PLEKHM3: variants seen among roughly 807,000 people sequenced by gnomAD.
PLEKHM3 encodes the protein pleckstrin homology domain containing M3, also known as pleckstrin homology domain-containing family M member 3.
In PLEKHM3, 45 loss-of-function variants were observed where a neutral mutation model predicts 81.8. The ratio of observed to expected loss-of-function variants is 0.55; its 90% confidence interval spans 0.43 to 0.71. The LOEUF (loss-of-function observed/expected upper bound fraction) is 0.71, where lower values mean the gene tolerates loss of function less well. Among genes scored for constraint, PLEKHM3 ranks in the 30% least tolerant of loss-of-function variants. The pLI, the probability that PLEKHM3 is intolerant of heterozygous loss-of-function variation, is 0.00. For synonymous variants in PLEKHM3, 352 were observed against 356.4 expected (o/e 0.99, Z 0.14); for missense variants, 788 against 924.3 (o/e 0.85, Z 1.91).
chr2:207,865,801 A>AAAAAAAAAAAAAAATATATATATATAT lies in PLEKHM3; in HGVS notation c.1951-4540_1951-4539insATATATATATATATTTTTTTTTTTTTT. 1.2e-4 allele frequency among the ~76,000 whole-genome samples: 3 copies of AAAAAAAAAAAAAAATATATATATATAT among 25,290 alleles called. 1 individual carries two copies. Among genetic ancestry groups the AAAAAAAAAAAAAAATATATATATATAT allele is most frequent in the Non-Finnish European group, 1.5e-4 (2 of 13,198 alleles). 16.6% of individuals were successfully genotyped at this position (25,290 alleles called of 152,430 possible). On this transcript the variant is annotated intron_variant, in intron 6 of 7. Transcript: ENST00000427836. ...CGACTCAAAAAAAAAAAAAAAAAAA[A>AAAAAAAAAAAAAAATATATATATATAT]AGATATATATATATATATATATATA...
chr2:207,983,480 C>T (rs571672125), intron 2 of PLEKHM3, among the ~76,000 whole-genome samples: 17 of 151,834 alleles, frequency 1.1e-4, no homozygotes, highest in African/African-American at 3.6e-4. Flanking sequence ...GATAGGATCA[C>T]GGACAGAGTA....
At chr2:208,014,662 G>GT (rs1692819500) in intron 1 of PLEKHM3, among the ~76,000 whole-genome samples, 1 of 152,214 alleles carries the variant, frequency 6.6e-6, no homozygotes, top group African/African-American at 2.4e-5. Flanking sequence ...AAAAAGAGTA[G>GT]TAAGAACTAT....
chr2:207,940,751 G>A (rs1482072515), intron 4 of PLEKHM3, among the ~76,000 whole-genome samples: 1 of 152,168 alleles, frequency 6.6e-6, no homozygotes, highest in Non-Finnish European at 1.5e-5. Flanking sequence ...GAATGGTGAG[G>A]AGCAACAAAA....
rs138386341 is a variant in PLEKHM3 at position 208,005,830 on chromosome 2, C to A, written c.-318-3873G>T. Among the ~76,000 whole-genome samples the A allele has an allele frequency of 2.6e-5, 4 of 152,292 alleles. No individual in the cohort carries two copies. In the East Asian group the frequency reaches 7.7e-4, roughly 29 times the overall value. Reference sequence around the variant, plus strand: ...GCACACACACACACGCATGTGCATGCGTTGAACAAATGCATTGTTGTCGCA... The same window carrying A: ...GCACACACACACACGCATGTGCATGAGTTGAACAAATGCATTGTTGTCGCA... On this transcript the variant is annotated intron_variant, in intron 1 of 7. Coordinates refer to ENST00000427836, the MANE Select transcript of PLEKHM3 (RefSeq NM_001080475.3).
Position 207,859,766 on chromosome 2 carries a change from T to C in PLEKHM3, c.2108+1339A>G, listed in dbSNP as rs184602720. Among the ~76,000 whole-genome samples, 9 of 151,996 alleles carry C rather than the reference T, an allele frequency of 5.9e-5. No individual in the cohort carries two copies. In the East Asian group the frequency reaches 1.8e-3, roughly 30 times the overall value. On this transcript the variant is annotated intron_variant, in intron 7 of 7. Transcript: ENST00000427836. Reference sequence around the variant, plus strand: ...GTGCCTGCTACCATGCCCGGCTAATTTTTGTATCTTTAGTAGAGACGGGGT... The same window carrying C: ...GTGCCTGCTACCATGCCCGGCTAATCTTTGTATCTTTAGTAGAGACGGGGT...
At chr2:207,885,967 A>G (rs1198510956) in intron 6 of PLEKHM3, among the ~76,000 whole-genome samples, 3 of 152,200 alleles carry the variant, frequency 2.0e-5, no homozygotes, top group African/African-American at 7.2e-5. Context: ...GGGAAGAATC[A>G]TATCTGAGCA....
At chr2:207,984,508 G>A (rs920371064) in intron 2 of PLEKHM3, among the ~76,000 whole-genome samples, 5 of 152,090 alleles carry the variant, frequency 3.3e-5, no homozygotes, top group Non-Finnish European at 7.4e-5. Flanking sequence ...AGCCTCCCGA[G>A]TAGCTGGGAT....
intron 3 of PLEKHM3, among the ~76,000 whole-genome samples, chr2:207,953,880 A>G (rs1690419640): frequency 6.6e-6 from 1 of 152,048 alleles, no homozygotes; most frequent in Non-Finnish European, 1.5e-5. Context: ...CATGTTAAAA[A>G]CCATGTTCCT....
At chr2:207,963,098 GGAGA>G (rs1385633365) in intron 3 of PLEKHM3, among the ~76,000 whole-genome samples, 1 of 152,148 alleles carries the variant, frequency 6.6e-6, no homozygotes, top group African/African-American at 2.4e-5. Flanking sequence ...GCATTACAGT[GGAGA>G]GAATCTGATA....
chr2:207,860,169 G>C (rs989000110), intron 7 of PLEKHM3, among the ~76,000 whole-genome samples: 8 of 147,508 alleles, frequency 5.4e-5, no homozygotes, highest in African/African-American at 2.1e-4. Flanking sequence ...GTGTGTGTGT[G>C]TGTGTGTGTG....
chr2:207,913,005 T>C (rs1055645037), intron 5 of PLEKHM3, among the ~76,000 whole-genome samples: 3 of 152,170 alleles, frequency 2.0e-5, no homozygotes, highest in Non-Finnish European at 4.4e-5. Context: ...TTTCCTCTGC[T>C]GTGGCTGAGG....
chr2:207,827,822 G>A lies in PLEKHM3; in HGVS notation c.*497C>T, dbSNP rs2092260330. On this transcript the variant is annotated 3_prime_UTR_variant, in exon 8 of 8. Transcript: ENST00000427836. ...TCCTGGAAGGACCCAGCAGTCTCTT[G>A]TGTTTTGAAGGTTTTCTTATGAAAC... The A allele has an allele frequency of 6.6e-6, 1 of 152,192 alleles. No individual in the cohort carries two copies. Among genetic ancestry groups the A allele is most frequent in the Non-Finnish European group, 1.5e-5 (1 of 68,042 alleles). 9.4% of individuals were successfully genotyped at this position (152,192 alleles called of 1,614,324 possible).
At chr2:207,886,993 T>A (rs1235765031) in intron 6 of PLEKHM3, among the ~76,000 whole-genome samples, 2 of 152,206 alleles carry the variant, frequency 1.3e-5, no homozygotes, top group African/African-American at 4.8e-5. Flanking sequence ...AATACCCACT[T>A]CACAGGCTCA....
At chr2:207,852,837 T>C (rs762835807) in intron 7 of PLEKHM3, 6 of 427,216 alleles carry the variant, frequency 1.4e-5, no homozygotes, top group South Asian at 1.0e-4. Context: ...TCTCCGAATC[T>C]AAAATTTAAA....
chr2:207,882,126 G>GTGCCAAA (rs1220178282), intron 6 of PLEKHM3, among the ~76,000 whole-genome samples: 1 of 152,192 alleles, frequency 6.6e-6, no homozygotes, highest in Non-Finnish European at 1.5e-5. Flanking sequence ...ATAGGAAACA[G>GTGCCAAA]TGCCAAATGC....
At chr2:207,948,891 CTGG>C (rs1352324091) in intron 3 of PLEKHM3, among the ~76,000 whole-genome samples, 1 of 151,646 alleles carries the variant, frequency 6.6e-6, no homozygotes, top group African/African-American at 2.4e-5. Context: ...GTTGGCCAGG[CTGG>C]TTTTGAACTC....
At chr2:207,896,836 A>G (rs1402998137) in intron 6 of PLEKHM3, among the ~76,000 whole-genome samples, 1 of 152,252 alleles carries the variant, frequency 6.6e-6, no homozygotes, top group Non-Finnish European at 1.5e-5. Context: ...CCGCAGCTGT[A>G]GAAAGAGTGT....
Position 207,850,450 on chromosome 2 carries a change from C to T in PLEKHM3, c.2108+10655G>A, listed in dbSNP as rs115164093. Among the ~76,000 whole-genome samples, 867 of 152,316 alleles carry T rather than the reference C, an allele frequency of 5.7e-3. 12 individuals are homozygous for T. The highest frequency in any genetic ancestry group is 0.02 in the African/African-American group (817 of 41,574). ...ACTTACATGTCACATGAAAAACTCACGAAAGCCAAATGGACAGGACAGAAA... is the reference window on the plus strand; with the variant it reads ...ACTTACATGTCACATGAAAAACTCATGAAAGCCAAATGGACAGGACAGAAA... On this transcript the variant is annotated intron_variant, in intron 7 of 7. Transcript: ENST00000427836.
chr2:207,925,968 T>G (rs541799322), intron 5 of PLEKHM3, among the ~76,000 whole-genome samples: 50 of 152,108 alleles, frequency 3.3e-4, no homozygotes, highest in Middle Eastern at 6.8e-3. Context: ...ATCTAGTATC[T>G]GAGACATCGA....
Sources: allele counts gnomAD v4.1 joint callset (sites outside exome capture counted in the v4.1 genomes callset), GRCh38; gene constraint gnomAD v4.1.1; transcripts MANE v1.5; gene names NCBI Gene and HGNC (gene_info 2026-07-23, HGNC 2026-07-21).